The following VWC2 variants were observed in gnomAD, a reference collection of about 807,000 sequenced individuals.
VWC2 encodes von Willebrand factor C domain containing 2, also known as brorin.
In VWC2, 14 loss-of-function variants were observed where a neutral mutation model predicts 29.8. That is an observed-to-expected ratio of 0.47 (90% CI 0.31 to 0.74). The LOEUF (loss-of-function observed/expected upper bound fraction) is 0.74, where lower values mean the gene tolerates loss of function less well. Among genes scored for constraint, VWC2 ranks in the 30% least tolerant of loss-of-function variants. The pLI, the probability that VWC2 is intolerant of heterozygous loss-of-function variation, is 0.05. For synonymous variants in VWC2, 213 were observed against 199.0 expected (o/e 1.07, Z -0.59); for missense variants, 457 against 459.8 (o/e 0.99, Z 0.05).
intron 2 of VWC2, among the ~76,000 whole-genome samples, chr7:49,799,927 A>G (rs1788699057): frequency 6.6e-6 from 1 of 152,260 alleles, no homozygotes; most frequent in Non-Finnish European, 1.5e-5. Context: ...ATCTAAACAT[A>G]GAAAAGATAT....
At chr7:49,852,520 T>TG (rs555905998) in intron 3 of VWC2, among the ~76,000 whole-genome samples, 63 of 151,836 alleles carry the variant, frequency 4.1e-4, no homozygotes, top group Middle Eastern at 3.4e-3. Context: ...TTCTTAAAAT[T>TG]GGGGGGGCAG....
At chr7:49,789,837 CAA>C (rs1261710584) in intron 2 of VWC2, among the ~76,000 whole-genome samples, 1 of 152,250 alleles carries the variant, frequency 6.6e-6, no homozygotes, top group Non-Finnish European at 1.5e-5. Context: ...AATAATTCTA[CAA>C]AGATTTCAGC....
intron 3 of VWC2, among the ~76,000 whole-genome samples, chr7:49,889,043 G>A (rs1179881005): frequency 6.6e-6 from 1 of 152,252 alleles, no homozygotes; most frequent in African/African-American, 2.4e-5. Flanking sequence ...ACAGGCTGTA[G>A]GCTGAGTGCT....
chr7:49,851,420 C>A (rs552311230), intron 3 of VWC2, among the ~76,000 whole-genome samples: 5 of 152,326 alleles, frequency 3.3e-5, no homozygotes, highest in Middle Eastern at 3.4e-3. Context: ...TCATAGCAGA[C>A]GGGCACTTAA....
At chr7:49,860,986 C>T (rs1322010877) in intron 3 of VWC2, among the ~76,000 whole-genome samples, 1 of 152,170 alleles carries the variant, frequency 6.6e-6, no homozygotes, top group Admixed American at 6.5e-5. Context: ...TTTAAGCAAA[C>T]CAGTCTGTGG....
At chr7:49,776,315 A>C (rs61552267) in intron 2 of VWC2, among the ~76,000 whole-genome samples, 184 bp downstream of exon 2, 6,197 of 152,320 alleles carry the variant, frequency 0.041, 202 homozygotes, top group East Asian at 0.098. Context: ...TTCCCAGAGC[A>C]CTGTGGCCAA....
chr7:49,888,728 TG>T (rs1035409225), intron 3 of VWC2, among the ~76,000 whole-genome samples: 1 of 152,082 alleles, frequency 6.6e-6, no homozygotes, highest in Non-Finnish European at 1.5e-5. Context: ...CTGGCCAACA[TG>T]GTAAAACCCC....
chr7:49,871,967 A>AGAGG (rs951504925), intron 3 of VWC2, among the ~76,000 whole-genome samples: 1 of 136,182 alleles, frequency 7.3e-6, no homozygotes, highest in African/African-American at 2.7e-5. Flanking sequence ...ACCGAGAAAG[A>AGAGG]GAGGGAGGGA....
intron 3 of VWC2, among the ~76,000 whole-genome samples, chr7:49,870,914 G>T (rs911294799): frequency 6.6e-6 from 1 of 152,174 alleles, no homozygotes; most frequent in Non-Finnish European, 1.5e-5. Context: ...TAGGCAAAAT[G>T]ACTACGGAAC....
rs536946923 is a variant in VWC2, at chr7:49,913,854, T to C, written c.*1669T>C. The C allele has an allele frequency of 8.5e-5, 13 of 152,122 alleles. No individual in the cohort carries two copies. The highest frequency in any genetic ancestry group is 2.7e-4 in the African/African-American group (11 of 41,392). 9.4% of individuals were successfully genotyped at this position (152,122 alleles called of 1,614,324 possible). On this transcript the variant is annotated 3_prime_UTR_variant, in exon 4 of 4. Coordinates refer to ENST00000340652, the MANE Select transcript of VWC2 (RefSeq NM_198570.5). The stretch of plus-strand genomic sequence containing the variant: ...CTATCATAATTGAAAAATTAAACTA[T>C]TGTGAACCTTAGTAAGTATAAAGAT...
At chr7:49,846,409 C>T (rs1789947535) in intron 3 of VWC2, among the ~76,000 whole-genome samples, 1 of 152,212 alleles carries the variant, frequency 6.6e-6, no homozygotes, top group African/African-American at 2.4e-5. Context: ...GGCTCCAGCC[C>T]TGTGGGACAT....
At chr7:49,858,964 A>G (rs1790539229) in intron 3 of VWC2, among the ~76,000 whole-genome samples, 1 of 152,198 alleles carries the variant, frequency 6.6e-6, no homozygotes, top group Non-Finnish European at 1.5e-5. Context: ...GTTTATCAGA[A>G]TATGTCAGGA....
In VWC2 at chr7:49,838,727, AC is replaced by A. The variant is rs1286264136; in HGVS notation, c.826+35889del. ...TAATAGCTACAATTTATTTTTTAGG[AC>A]CTAAAAGTTTCCAGGATTTTCCAGG... On this transcript the variant is annotated intron_variant, in intron 3 of 3. Transcript: ENST00000340652. Among the ~76,000 whole-genome samples, 4 of 152,104 alleles carry A rather than the reference AC, an allele frequency of 2.6e-5. No homozygotes were observed. In the East Asian group the frequency reaches 5.8e-4, roughly 22 times the overall value.
At chr7:49,908,523 A>T (rs781276378) in intron 3 of VWC2, among the ~76,000 whole-genome samples, 3 of 152,210 alleles carry the variant, frequency 2.0e-5, no homozygotes, top group Non-Finnish European at 4.4e-5. Flanking sequence ...TTTTTGAATT[A>T]TAATTAATAT....
chr7:49,796,001 G>A (rs1307835654), intron 2 of VWC2, among the ~76,000 whole-genome samples: 4 of 152,202 alleles, frequency 2.6e-5, no homozygotes, highest in South Asian at 2.1e-4. Context: ...GCAGATAGGG[G>A]GTAGGGGCCC....
At chr7:49,845,247 A>C (rs1331405843) in intron 3 of VWC2, among the ~76,000 whole-genome samples, 1 of 152,036 alleles carries the variant, frequency 6.6e-6, no homozygotes, top group East Asian at 1.9e-4. Flanking sequence ...CCTATGTAAC[A>C]AACCTGCATA....
chr7:49,882,344 TAGAAAA>T (rs1791704428), intron 3 of VWC2, among the ~76,000 whole-genome samples: 1 of 152,102 alleles, frequency 6.6e-6, no homozygotes, highest in African/African-American at 2.4e-5. Context: ...AAAAGCAAAT[TAGAAAA>T]AGAAAAACAT....
intron 3 of VWC2, among the ~76,000 whole-genome samples, chr7:49,844,055 G>A (rs948442526): frequency 6.6e-6 from 1 of 152,320 alleles, no homozygotes; most frequent in Non-Finnish European, 1.5e-5. Flanking sequence ...AAGGTTGGCA[G>A]CACAGGAGGA....
intron 3 of VWC2, among the ~76,000 whole-genome samples, chr7:49,869,770 A>C (rs1791059327): frequency 6.6e-6 from 1 of 152,160 alleles, no homozygotes; most frequent in African/African-American, 2.4e-5. Context: ...CATCCAAGAG[A>C]ATTGGATGTG....
Sources: gnomAD v4.1 joint callset for allele counts (sites outside exome capture counted in the v4.1 genomes callset) on GRCh38, gnomAD v4.1.1 for gene constraint, MANE v1.5 for transcripts, NCBI Gene and HGNC (gene_info 2026-07-23, HGNC 2026-07-21) for gene names.